PDIA5: variants seen among roughly 807,000 people sequenced by gnomAD.
The protein encoded by PDIA5 is protein disulfide-isomerase A5.
A neutral mutation model predicts 77.6 loss-of-function variants in PDIA5; 58 were observed. The ratio of observed to expected loss-of-function variants is 0.75; its 90% CI spans 0.61 to 0.93. PDIA5 has a LOEUF of 0.93. Among genes scored for constraint, PDIA5 ranks in the 40% least tolerant of loss-of-function variants. The pLI, the probability that PDIA5 is intolerant of heterozygous loss-of-function variation, is 0.00. For synonymous variants in PDIA5, 250 were observed against 252.1 expected, an observed-to-expected ratio of 0.99 and a Z score of 0.08; for missense variants, 630 against 647.7, an observed-to-expected ratio of 0.97 and a Z score of 0.30.
At chr3:123,146,669 A>G (rs959812812) in intron 13 of PDIA5, among the ~76,000 whole-genome samples, 2 of 152,208 alleles carry the variant, frequency 1.3e-5, no homozygotes, top group East Asian at 1.9e-4. Flanking sequence ...AGGGCAGGCT[A>G]TGGTGGTTTG....
At chr3:123,123,210 G>C (rs1248334822) in intron 8 of PDIA5, among the ~76,000 whole-genome samples, 1 of 152,236 alleles carries the variant, frequency 6.6e-6, no homozygotes, top group East Asian at 1.9e-4. Flanking sequence ...CCAGGAGTTA[G>C]AGGGTGCAGT....
chr3:123,134,983 G>A (rs1935463118), intron 11 of PDIA5, among the ~76,000 whole-genome samples: 1 of 152,184 alleles, frequency 6.6e-6, no homozygotes, highest in East Asian at 1.9e-4. Context: ...ACCTCCCTCT[G>A]GTCCTCACAG....
At chr3:123,145,931 G>T (rs1270095883) in intron 12 of PDIA5, among the ~76,000 whole-genome samples, 168 bp from the exon 13 acceptor site, 1 of 151,506 alleles carries the variant, frequency 6.6e-6, no homozygotes, top group Non-Finnish European at 1.5e-5. Context: ...AATGATGGCC[G>T]TGCCAATGTT....
At chr3:123,117,658 T>G (rs1935028526) in intron 8 of PDIA5, among the ~76,000 whole-genome samples, 1 of 152,032 alleles carries the variant, frequency 6.6e-6, no homozygotes, top group Non-Finnish European at 1.5e-5. Flanking sequence ...TAGGATTTCC[T>G]TCTTTTTTTA....
At chr3:123,089,610 A>T (rs564051572) in intron 2 of PDIA5, among the ~76,000 whole-genome samples, 42 of 152,392 alleles carry the variant, frequency 2.8e-4, no homozygotes, top group Middle Eastern at 3.4e-3. Context: ...GACACTGGGC[A>T]TGGATGTCCT....
At chr3:123,161,068 C>T (rs1936149138) in intron 15 of PDIA5, among the ~76,000 whole-genome samples, 1 of 152,222 alleles carries the variant, frequency 6.6e-6, no homozygotes, top group African/African-American at 2.4e-5. Context: ...TCATCATACT[C>T]TTGATTTTAA....
chr3:123,112,182 C>A (rs955016088), intron 7 of PDIA5, among the ~76,000 whole-genome samples: 1 of 152,204 alleles, frequency 6.6e-6, no homozygotes, highest in African/African-American at 2.4e-5. Context: ...CTTTGTGCTG[C>A]ACCTCTGTGA....
chr3:123,074,756 T>C (rs114819385), intron 1 of PDIA5, among the ~76,000 whole-genome samples: 1,805 of 152,296 alleles, frequency 0.012, 43 homozygotes, highest in African/African-American at 0.041. Flanking sequence ...TATAAATACA[T>C]TCATAATACA....
At chr3:123,157,132 C>T (rs1366029464) in intron 15 of PDIA5, among the ~76,000 whole-genome samples, 1 of 152,184 alleles carries the variant, frequency 6.6e-6, no homozygotes, top group Non-Finnish European at 1.5e-5. Flanking sequence ...TCCTTTATTC[C>T]AAGCCAGGGA....
chr3:123,148,942 T>G (rs1935826043), intron 13 of PDIA5, among the ~76,000 whole-genome samples: 1 of 152,102 alleles, frequency 6.6e-6, no homozygotes, highest in South Asian at 2.1e-4. Flanking sequence ...GGCAGGTGCA[T>G]AGGCTGCCAG....
chr3:123,075,921 A>G (rs1219653244), intron 1 of PDIA5, among the ~76,000 whole-genome samples: 1 of 152,192 alleles, frequency 6.6e-6, no homozygotes, highest in African/African-American at 2.4e-5. Context: ...GGTGCTCTCA[A>G]TTGAGTGTGT....
At chr3:123,136,781 C>A (rs558950118) in intron 11 of PDIA5, among the ~76,000 whole-genome samples, 1,921 of 137,322 alleles carry the variant, frequency 0.014, 50 homozygotes, top group African/African-American at 0.049. Flanking sequence ...TGTTTTTTAA[C>A]ATAAGTAGGA....
intron 13 of PDIA5, among the ~76,000 whole-genome samples, chr3:123,147,898 G>A (rs1935806058): frequency 6.6e-6 from 1 of 152,144 alleles, no homozygotes; most frequent in Non-Finnish European, 1.5e-5. Context: ...TGGACTTCTG[G>A]TTAGAGAGCC....
chr3:123,131,704 C>T (rs141758944), intron 11 of PDIA5, among the ~76,000 whole-genome samples: 4 of 151,336 alleles, frequency 2.6e-5, no homozygotes, highest in African/African-American at 4.9e-5. Flanking sequence ...AACGTGCTTG[C>T]GATAAGGGCT....
At chr3:123,119,792 T>G (rs1313096222) in intron 8 of PDIA5, among the ~76,000 whole-genome samples, 1 of 152,262 alleles carries the variant, frequency 6.6e-6, no homozygotes, top group Non-Finnish European at 1.5e-5. Flanking sequence ...TAGGGCCTTC[T>G]GTCACTTCTT....
At chr3:123,161,769 C>T in intron 16 of PDIA5, 111 bp from the exon 17 acceptor site, 1 of 774,016 alleles carries the variant, frequency 1.3e-6, no homozygotes, top group Non-Finnish European at 2.2e-6. Flanking sequence ...CCCACCTCTC[C>T]CTGTCATAGG....
intron 15 of PDIA5, among the ~76,000 whole-genome samples, chr3:123,158,234 G>A (rs939901419): frequency 2.6e-5 from 4 of 152,226 alleles, no homozygotes; most frequent in African/African-American, 9.6e-5. Flanking sequence ...ACATCATGTT[G>A]TCCTTACAAT....
Position 123,124,319 on chromosome 3 carries a change from A to G in PDIA5, c.749A>G (p.Glu250Gly). ...FQYDNYGSTA[E>G]DIVEWLKNPQ... is the part of the protein sequence containing the mutation. ...TATGACAACTATGGGTCCACAGCTG[A>G]GGACATTGTGGAGTGGCTGAAGAAG... The change falls in exon 10 of 17, where the codon GAG becomes GGG. Residue 250 changes from glutamate (E) to glycine (G), a missense_variant. Physicochemically the swap from Glu to Gly is moderately conservative, Grantham distance 98. Transcript: ENST00000316218. 6.2e-7 allele frequency: 1 copy of G among 1,613,576 alleles called. No individual in the cohort carries two copies. Among genetic ancestry groups the G allele is most frequent in the Non-Finnish European group, 8.5e-7 (1 of 1,179,504 alleles).
chr3:123,159,231 C>T (rs1936094937), intron 15 of PDIA5, among the ~76,000 whole-genome samples: 1 of 152,238 alleles, frequency 6.6e-6, no homozygotes, highest in African/African-American at 2.4e-5. Flanking sequence ...GGGGCCTCAG[C>T]CTCTGGCTGC....
Sources: gnomAD v4.1 joint callset for allele counts (sites outside exome capture counted in the v4.1 genomes callset) on GRCh38, gnomAD v4.1.1 for gene constraint, MANE v1.5 for transcripts, NCBI Gene and HGNC (gene_info 2026-07-23, HGNC 2026-07-21) for gene names.